The following FBXL7 variants were observed in gnomAD, a reference collection of about 807,000 sequenced individuals.
The protein encoded by FBXL7 is F-box/LRR-repeat protein 7.
FBXL7 carries 12 observed loss-of-function variants against 38.3 expected under a neutral mutation model. The ratio of observed to expected loss-of-function variants is 0.31; its 90% CI spans 0.20 to 0.51. FBXL7 has a LOEUF of 0.51. Ranked by LOEUF, FBXL7 falls within the 20% of genes least tolerant of loss-of-function variation. The pLI is 0.98. For synonymous variants in FBXL7, 297 were observed against 300.9 expected (o/e 0.99, Z 0.13); for missense variants, 567 against 676.4 (o/e 0.84, Z 1.79).
chr5:15,510,457 T>C (rs1736764480), intron 1 of FBXL7, among the ~76,000 whole-genome samples: 2 of 152,174 alleles, frequency 1.3e-5, no homozygotes, highest in Non-Finnish European at 2.9e-5. Context: ...AGAAGCATCT[T>C]GGTTAAGTCC....
intron 2 of FBXL7, among the ~76,000 whole-genome samples, chr5:15,710,935 G>C (rs1743843654): frequency 6.6e-6 from 1 of 152,130 alleles, no homozygotes; most frequent in African/African-American, 2.4e-5. Flanking sequence ...TTCCCACGTT[G>C]TCATGGGAGG....
chr5:15,681,553 TTAG>T (rs1441893519), intron 2 of FBXL7, among the ~76,000 whole-genome samples: 3 of 152,206 alleles, frequency 2.0e-5, no homozygotes, highest in Non-Finnish European at 4.4e-5. Flanking sequence ...TATAAACCTG[TTAG>T]TAGTATTTAC....
intron 2 of FBXL7, among the ~76,000 whole-genome samples, chr5:15,845,677 T>TTTG (rs1738876142): frequency 1.3e-5 from 2 of 152,164 alleles, no homozygotes. Context: ...AAAATTGAAT[T>TTTG]TAAAAATACA....
At chr5:15,564,865 A>C (rs1249397702) in intron 1 of FBXL7, among the ~76,000 whole-genome samples, 2 of 152,286 alleles carry the variant, frequency 1.3e-5, no homozygotes, top group East Asian at 3.9e-4. Flanking sequence ...AATGATGCAC[A>C]GCACTGATAT....
intron 1 of FBXL7, among the ~76,000 whole-genome samples, chr5:15,529,271 G>T (rs1737349239): frequency 6.6e-6 from 1 of 152,204 alleles, no homozygotes; most frequent in Non-Finnish European, 1.5e-5. Flanking sequence ...AAAGGCTGAA[G>T]AGTATTCCAT....
rs548130907 is a variant in FBXL7, at chr5:15,613,214, T to G, written c.38-2769T>G. On this transcript the variant is annotated intron_variant, in intron 1 of 3. Coordinates refer to ENST00000504595, the MANE Select transcript of FBXL7 (RefSeq NM_012304.5). Reference sequence around the variant, plus strand: ...CTCAAAGAATTATAGACTGAGCTGCTAGGAATCATTTTTCCAGAAATTTCC... The same window carrying G: ...CTCAAAGAATTATAGACTGAGCTGCGAGGAATCATTTTTCCAGAAATTTCC... 2.4e-4 allele frequency among the ~76,000 whole-genome samples: 37 copies of G among 152,318 alleles called. No homozygotes were observed. In the East Asian group the frequency reaches 7.1e-3, roughly 29 times the overall value.
At chr5:15,733,883 C>T (rs924690623) in intron 2 of FBXL7, among the ~76,000 whole-genome samples, 3 of 152,088 alleles carry the variant, frequency 2.0e-5, no homozygotes, top group Non-Finnish European at 2.9e-5. Context: ...CCGAGGCAGG[C>T]GGTTCACAAG....
chr5:15,577,064 C>G (rs950991763), intron 1 of FBXL7, among the ~76,000 whole-genome samples: 1 of 152,142 alleles, frequency 6.6e-6, no homozygotes, highest in Non-Finnish European at 1.5e-5. Flanking sequence ...ATTCCAGTGT[C>G]CTGAGATTTT....
At chr5:15,734,951 G>C (rs1277119910) in intron 2 of FBXL7, among the ~76,000 whole-genome samples, 1 of 152,086 alleles carries the variant, frequency 6.6e-6, no homozygotes, top group Admixed American at 6.6e-5. Context: ...ATTTTTTTGA[G>C]ACAGAGTTTT....
intron 2 of FBXL7, among the ~76,000 whole-genome samples, chr5:15,681,120 A>G (rs1162153655): frequency 2.6e-5 from 4 of 152,208 alleles, no homozygotes; most frequent in Non-Finnish European, 4.4e-5. Context: ...TCTGGTAGGT[A>G]TATAAACTGC....
rs531130064 is a variant in FBXL7 at position 15,648,988 on chromosome 5, T to TTTTG, written c.127+32934_127+32937dup. ...TTTCCTGATCTACTTATTTTCTGTT[T>TTTTG]TTTGTTTGTTTGTTTGTTTGTGTTT... On this transcript the variant is annotated intron_variant, in intron 2 of 3. Coordinates refer to ENST00000504595, the MANE Select transcript of FBXL7 (RefSeq NM_012304.5). 2.9e-3 allele frequency among the ~76,000 whole-genome samples: 445 copies of TTTTG among 152,126 alleles called. 2 individuals carry two copies. The highest frequency in any genetic ancestry group is 0.01 in the African/African-American group (416 of 41,482).
chr5:15,644,029 A>C (rs1741450046), intron 2 of FBXL7, among the ~76,000 whole-genome samples: 2 of 152,336 alleles, frequency 1.3e-5, no homozygotes, highest in South Asian at 4.1e-4. Context: ...TCAGGCCATA[A>C]TAGCTAGCCT....
chr5:15,561,610 A>AT (rs1443439911), intron 1 of FBXL7, among the ~76,000 whole-genome samples: 2 of 152,034 alleles, frequency 1.3e-5, no homozygotes, highest in East Asian at 3.9e-4. Context: ...TAGTAGTCCT[A>AT]TTTCTAATTT....
chr5:15,793,030 C>T (rs545710063), intron 2 of FBXL7, among the ~76,000 whole-genome samples: 18 of 152,154 alleles, frequency 1.2e-4, no homozygotes, highest in Admixed American at 2.0e-4. Flanking sequence ...CTTCAACCTT[C>T]CTGCGTGTGC....
At chr5:15,917,672 A>G (rs71587624) in intron 2 of FBXL7, among the ~76,000 whole-genome samples, 48,922 of 146,274 alleles carry the variant, frequency 0.33, 8,819 homozygotes, top group Admixed American at 0.52. Context: ...GAAGGAAGGA[A>G]GGAAGGAAGG....
chr5:15,888,375 G>A (rs1048306964), intron 2 of FBXL7, among the ~76,000 whole-genome samples: 1 of 151,946 alleles, frequency 6.6e-6, no homozygotes, highest in African/African-American at 2.4e-5. Flanking sequence ...TCACAGATGT[G>A]TGCCACCACG....
chr5:15,538,018 C>T (rs183691187), intron 1 of FBXL7, among the ~76,000 whole-genome samples: 152 of 152,304 alleles, frequency 1.0e-3, no homozygotes, highest in African/African-American at 3.5e-3. Flanking sequence ...TAAATATCAA[C>T]TAGACCCAGG....
intron 2 of FBXL7, among the ~76,000 whole-genome samples, chr5:15,925,595 T>G (rs1211248994): frequency 1.3e-5 from 2 of 152,248 alleles, no homozygotes; most frequent in Non-Finnish European, 2.9e-5. Flanking sequence ...GTATGAGTGT[T>G]AATTTCCAGG....
chr5:15,824,991 G>A (rs567393534), intron 2 of FBXL7, among the ~76,000 whole-genome samples: 4 of 152,262 alleles, frequency 2.6e-5, no homozygotes, highest in African/African-American at 4.8e-5. Context: ...AATTCATTGC[G>A]ATATGTTTTT....
Sources: gnomAD v4.1 joint callset for allele counts (sites outside exome capture counted in the v4.1 genomes callset) on GRCh38, gnomAD v4.1.1 for gene constraint, MANE v1.5 for transcripts, NCBI Gene and HGNC (gene_info 2026-07-23, HGNC 2026-07-21) for gene names.